The following SLC12A2 variants were observed in gnomAD, a reference collection of about 807,000 sequenced individuals.
SLC12A2 encodes the protein Na-K-2Cl cotransporter 1.
SLC12A2 carries 67 observed loss-of-function variants against 136.3 expected under a neutral mutation model. The ratio of observed to expected loss-of-function variants is 0.49; its 90% confidence interval spans 0.40 to 0.60. The LOEUF (loss-of-function observed/expected upper bound fraction) is 0.60, where lower values mean the gene tolerates loss of function less well. Ranked by LOEUF, SLC12A2 falls within the 20% of genes least tolerant of loss-of-function variation. The pLI, the probability that SLC12A2 is intolerant of heterozygous loss-of-function variation, is 0.00. For synonymous variants in SLC12A2, 619 were observed against 562.9 expected, an observed-to-expected ratio of 1.10 and a Z score of -1.41; for missense variants, 1,322 against 1,534.7, an observed-to-expected ratio of 0.86 and a Z score of 2.32.
At chr5:128,111,780 AAG>A (rs1761154209) in intron 1 of SLC12A2, among the ~76,000 whole-genome samples, 2 of 149,370 alleles carry the variant, frequency 1.3e-5, no homozygotes, top group African/African-American at 5.0e-5. Context: ...AAAAAAAAAA[AAG>A]TGTACGCATA....
intron 7 of SLC12A2, among the ~76,000 whole-genome samples, chr5:128,137,423 A>G (rs1290946714): frequency 1.3e-5 from 2 of 152,030 alleles, no homozygotes; most frequent in Admixed American, 1.3e-4. Context: ...CTCCTTCCTT[A>G]TATTTGCTTA....
At chr5:128,143,814 TTA>T (rs1762442766) in intron 10 of SLC12A2, among the ~76,000 whole-genome samples, 1 of 151,208 alleles carries the variant, frequency 6.6e-6, no homozygotes, top group Non-Finnish European at 1.5e-5. Context: ...GTATTTAAAA[TTA>T]TGTGTTTTAT....
At chr5:128,121,836 T>C (rs1309867146) in intron 4 of SLC12A2, among the ~76,000 whole-genome samples, 1 of 152,210 alleles carries the variant, frequency 6.6e-6, no homozygotes, top group Non-Finnish European at 1.5e-5. Flanking sequence ...CATAGCAGTG[T>C]TCTTGAGAGC....
chr5:128,114,178 T>G, intron 2 of SLC12A2, 34 bp from the exon 3 acceptor site: 1 of 1,453,262 alleles, frequency 6.9e-7, no homozygotes, highest in Non-Finnish European at 9.6e-7. Flanking sequence ...TTATTCTTCT[T>G]CCTCTGTGTC....
At position 128,178,745 on chromosome 5, in the gene SLC12A2, G is replaced by GT. The variant is rs1445718367; in HGVS notation, c.3100+57dup. 7.3e-6 allele frequency: 10 copies of GT among 1,361,168 alleles called. No homozygotes were observed. The Admixed American group carries it at 2.6e-4, about 36-fold the overall frequency. 84.3% of individuals were successfully genotyped at this position (1,361,168 alleles called of 1,614,324 possible). A position where few individuals can be genotyped will look rare whatever the true frequency, so the allele number is the denominator to read the frequency against. ...TAAATTTACTGACATTGTGAGAATA[G>GT]TAAGAAATGACATGCACTCTTTACC... On this transcript the variant is annotated intron_variant, in intron 22 of 26. Coordinates refer to ENST00000262461, the MANE Select transcript of SLC12A2 (RefSeq NM_001046.3).
intron 15 of SLC12A2, among the ~76,000 whole-genome samples, chr5:128,156,115 C>A (rs183296222): frequency 2.6e-5 from 4 of 152,182 alleles, no homozygotes; most frequent in Admixed American, 6.5e-5. Context: ...CTAGTTACTT[C>A]TTGTGTAAAC....
intron 1 of SLC12A2, among the ~76,000 whole-genome samples, chr5:128,086,325 C>A (rs1421413957): frequency 1.3e-5 from 2 of 152,076 alleles, no homozygotes; most frequent in African/African-American, 4.8e-5. Context: ...TTTTGCTTGG[C>A]TTTTTGGTTC....
intron 6 of SLC12A2, among the ~76,000 whole-genome samples, chr5:128,134,677 T>C (rs1175549731): frequency 6.6e-6 from 1 of 152,108 alleles, no homozygotes; most frequent in Non-Finnish European, 1.5e-5. Flanking sequence ...ATTCTTGCTA[T>C]TGAAATTTCA....
chr5:128,144,942 G>T (rs1762482955), intron 10 of SLC12A2, among the ~76,000 whole-genome samples: 1 of 151,860 alleles, frequency 6.6e-6, no homozygotes, highest in Non-Finnish European at 1.5e-5. Flanking sequence ...TTAGAGACAA[G>T]ACAGTCTTTT....
chr5:128,169,398 A>G (rs1763300358), intron 18 of SLC12A2: 1 of 152,076 alleles, frequency 6.6e-6, no homozygotes. Flanking sequence ...CTCACATATG[A>G]TGGTTTTATT....
chr5:128,115,528 A>G (rs1272112500), intron 4 of SLC12A2, among the ~76,000 whole-genome samples: 1 of 152,152 alleles, frequency 6.6e-6, no homozygotes, highest in Non-Finnish European at 1.5e-5. Flanking sequence ...TACCCTCCCT[A>G]GGAAGAGGAC....
rs1182577392 is a variant in SLC12A2 at position 128,188,356 on chromosome 5, G to T, written c.*1725G>T. 5 of 129,704 alleles carry T rather than the reference G, an allele frequency of 3.9e-5. No individual in the cohort carries two copies. Among genetic ancestry groups the T allele is most frequent in the African/African-American group, 1.5e-4 (5 of 32,654 alleles). 8.0% of individuals were successfully genotyped at this position (129,704 alleles called of 1,614,324 possible). On this transcript the variant is annotated 3_prime_UTR_variant, in exon 27 of 27. Coordinates refer to ENST00000262461, the MANE Select transcript of SLC12A2 (RefSeq NM_001046.3). ...TGTTGCCACGCTGGAATGCAGTAACGTGATCTTGGCTCACTGCGACCTCCA... is the reference window on the plus strand; with the variant it reads ...TGTTGCCACGCTGGAATGCAGTAACTTGATCTTGGCTCACTGCGACCTCCA...
chr5:128,152,732 G>T lies in SLC12A2; in HGVS notation c.2290G>T (p.Ala764Ser). Residue 764 changes from alanine (A) to serine (S), a missense_variant, in exon 15 of 27, where the codon GCC becomes TCC. Ala to Ser is a moderately conservative substitution (Grantham distance 99). Around this residue, in one of 8 missense-constraint regions of SLC12A2, gnomAD observed 294 missense variants for 436.6 expected, o/e 0.67. Coordinates refer to ENST00000262461, the MANE Select transcript of SLC12A2 (RefSeq NM_001046.3). ...PDVNWGSSTQALTYLNALQHS... is the reference protein window; with the variant it reads ...PDVNWGSSTQSLTYLNALQHS... ...TGTGAATTGGGGATCCTCTACACAA[G>T]CCCTGACTTACCTGAATGCACTGCA... is the stretch of plus-strand genomic sequence containing the variant. The T allele has an allele frequency of 6.2e-7, 1 of 1,613,368 alleles. No individual in the cohort carries two copies. Among genetic ancestry groups the T allele is most frequent in the East Asian group, 2.2e-5 (1 of 44,846 alleles).
chr5:128,145,240 T>A (rs1317715566), intron 10 of SLC12A2, among the ~76,000 whole-genome samples: 1 of 152,126 alleles, frequency 6.6e-6, no homozygotes, highest in Non-Finnish European at 1.5e-5. Flanking sequence ...ATAGTAATGC[T>A]GGTGGTGTCA....
intron 13 of SLC12A2, among the ~76,000 whole-genome samples, chr5:128,151,016 TA>T (rs1200451772): frequency 6.6e-6 from 1 of 151,930 alleles, no homozygotes; most frequent in East Asian, 1.9e-4. Flanking sequence ...TCAAATACAG[TA>T]ATGTGGAAAT....
chr5:128,182,802 C>A, intron 23 of SLC12A2, 53 bp from the exon 24 acceptor site: 1 of 1,260,880 alleles, frequency 7.9e-7, no homozygotes, highest in Middle Eastern at 2.2e-4. Context: ...ATGGATTCAG[C>A]CCAATATAGA....
At chr5:128,180,428 A>G (rs941810704) in intron 22 of SLC12A2, among the ~76,000 whole-genome samples, 15 of 152,308 alleles carry the variant, frequency 9.8e-5, no homozygotes, top group Middle Eastern at 3.4e-3. Flanking sequence ...GGCATTGGAT[A>G]TGCTTGTGTC....
chr5:128,151,474 T>C, intron 14 of SLC12A2, 78 bp downstream of exon 14: 1 of 1,326,026 alleles, frequency 7.5e-7, no homozygotes, highest in Non-Finnish European at 1.0e-6. Context: ...TCTTTGTTAT[T>C]TTTCATTTTA....
intron 1 of SLC12A2, chr5:128,109,800 A>AT: frequency 1.2e-6 from 1 of 809,014 alleles, no homozygotes. Context: ...TGTGCAGGCT[A>AT]CAAAAATCTG....
Sources: allele counts gnomAD v4.1 joint callset (sites outside exome capture counted in the v4.1 genomes callset), GRCh38; gene constraint gnomAD v4.1.1; regional missense constraint gnomAD v4.1.1; transcripts MANE v1.5; gene names NCBI Gene and HGNC (gene_info 2026-07-23, HGNC 2026-07-21).